The following GOLPH3 variants were observed in gnomAD, a reference collection of about 807,000 sequenced individuals.
GOLPH3 encodes the protein golgi phosphoprotein 3.
In GOLPH3, 14 loss-of-function variants were observed where a neutral mutation model predicts 28.5. The observed-to-expected ratio is 0.49, with a 90% CI of 0.32 to 0.77. GOLPH3 has a LOEUF of 0.77. Among genes scored for constraint, GOLPH3 ranks in the 30% least tolerant of loss-of-function variants. The pLI, the probability that GOLPH3 is intolerant of heterozygous loss-of-function variation, is 0.03. For missense variants in GOLPH3, 350 were observed against 393.7 expected, an observed-to-expected ratio of 0.89 and a Z score of 0.94; for synonymous variants, 158 against 159.2, an observed-to-expected ratio of 0.99 and a Z score of 0.06.
At chr5:32,142,286 C>T (rs922909181) in intron 2 of GOLPH3, among the ~76,000 whole-genome samples, 2 of 151,012 alleles carry the variant, frequency 1.3e-5, no homozygotes, top group African/African-American at 2.4e-5. Flanking sequence ...AGCATCTCTG[C>T]CCGGACGCCC....
At chr5:32,157,271 C>T (rs1197287938) in intron 1 of GOLPH3, among the ~76,000 whole-genome samples, 1 of 152,154 alleles carries the variant, frequency 6.6e-6, no homozygotes, top group Admixed American at 6.5e-5. Flanking sequence ...GGATTCCAAT[C>T]CTCAGCCTTC....
At chr5:32,162,151 T>C (rs1746597103) in intron 1 of GOLPH3, among the ~76,000 whole-genome samples, 2 of 151,340 alleles carry the variant, frequency 1.3e-5, no homozygotes, top group South Asian at 4.2e-4. Flanking sequence ...GACCAGAGGT[T>C]CAGAACAAAG....
At chr5:32,171,236 G>A (rs1291284088) in intron 1 of GOLPH3, among the ~76,000 whole-genome samples, 2 of 151,800 alleles carry the variant, frequency 1.3e-5, no homozygotes, top group South Asian at 2.1e-4. Flanking sequence ...ACTGTCTTGG[G>A]CCATATATAA....
chr5:32,155,885 A>G (rs1269654880), intron 1 of GOLPH3, among the ~76,000 whole-genome samples: 1 of 139,598 alleles, frequency 7.2e-6, no homozygotes, highest in Non-Finnish European at 1.5e-5. Context: ...TGAACCCAGG[A>G]GGCGGAGGTT....
intron 3 of GOLPH3, among the ~76,000 whole-genome samples, chr5:32,127,452 T>G (rs1399734728): frequency 1.3e-5 from 2 of 152,250 alleles, no homozygotes; most frequent in Non-Finnish European, 2.9e-5. Context: ...ATGCAAACGT[T>G]GTAAGGTCGA....
intron 2 of GOLPH3, among the ~76,000 whole-genome samples, chr5:32,139,149 G>A (rs577802104): frequency 1.4e-4 from 21 of 152,066 alleles, no homozygotes; most frequent in Admixed American, 4.6e-4. Flanking sequence ...CAATATAGTC[G>A]GCCTTCCATA....
intron 3 of GOLPH3, among the ~76,000 whole-genome samples, chr5:32,130,196 G>A (rs1001748824): frequency 2.0e-5 from 3 of 152,104 alleles, no homozygotes; most frequent in African/African-American, 7.2e-5. Flanking sequence ...AATAACTGCT[G>A]CATCTTTCAC....
chr5:32,146,898 T>C (rs749821641), intron 1 of GOLPH3, among the ~76,000 whole-genome samples: 16 of 151,718 alleles, frequency 1.1e-4, no homozygotes, highest in Non-Finnish European at 5.9e-5. Flanking sequence ...TAATGACAGC[T>C]GATGAGCTAA....
chr5:32,157,756 C>T (rs2111880092), intron 1 of GOLPH3, among the ~76,000 whole-genome samples: 1 of 152,218 alleles, frequency 6.6e-6, no homozygotes, highest in Middle Eastern at 3.4e-3. Context: ...GCGGGTGGAT[C>T]ACTTAAGGTC....
At chr5:32,172,784 C>G (rs184996060) in intron 1 of GOLPH3, among the ~76,000 whole-genome samples, 3 of 152,314 alleles carry the variant, frequency 2.0e-5, no homozygotes, top group African/African-American at 7.2e-5. Flanking sequence ...TCGCTTGAAC[C>G]CGGGAGGCGG....
chr5:32,162,955 G>T (rs1405623457), intron 1 of GOLPH3, among the ~76,000 whole-genome samples: 1 of 152,290 alleles, frequency 6.6e-6, no homozygotes, highest in African/African-American at 2.4e-5. Context: ...GCAGGCGCCT[G>T]TAGTCCCAGC....
chr5:32,142,862 T>A (rs550328719), intron 2 of GOLPH3, among the ~76,000 whole-genome samples: 46 of 148,022 alleles, frequency 3.1e-4, no homozygotes, highest in African/African-American at 1.1e-3. Flanking sequence ...AGCCGCCCCG[T>A]CCGGGAGGTG....
chr5:32,133,914 T>C (rs1460138294), intron 3 of GOLPH3, among the ~76,000 whole-genome samples: 1 of 152,002 alleles, frequency 6.6e-6, no homozygotes, highest in African/African-American at 2.4e-5. Flanking sequence ...AAAAGGAAAA[T>C]TATCAGAGGT....
chr5:32,160,842 C>T (rs1025901119), intron 1 of GOLPH3, among the ~76,000 whole-genome samples: 3 of 151,444 alleles, frequency 2.0e-5, no homozygotes, highest in African/African-American at 4.9e-5. Flanking sequence ...CCAAGGCGGG[C>T]GGACCACGAG....
At chr5:32,126,728 GC>G in intron 3 of GOLPH3, 92 bp from the exon 4 acceptor site, 1 of 994,122 alleles carries the variant, frequency 1.0e-6, no homozygotes, top group Non-Finnish European at 1.5e-6. Context: ...ATCTGATTTT[GC>G]CCCAAGAAAA....
chr5:32,152,127 C>CT (rs201281003), intron 1 of GOLPH3, among the ~76,000 whole-genome samples: 97 of 147,192 alleles, frequency 6.6e-4, no homozygotes, highest in African/African-American at 1.5e-3. Flanking sequence ...CATATTTTAC[C>CT]TTTTTTTTTT....
chr5:32,145,218 G>GA (rs1284423905), intron 1 of GOLPH3, among the ~76,000 whole-genome samples: 1 of 152,152 alleles, frequency 6.6e-6, no homozygotes, highest in Non-Finnish European at 1.5e-5. Context: ...TGACCTTTGG[G>GA]AAAATAACAA....
chr5:32,156,516 AT>A (rs1379606955), intron 1 of GOLPH3, among the ~76,000 whole-genome samples: 1 of 151,572 alleles, frequency 6.6e-6, no homozygotes, highest in Non-Finnish European at 1.5e-5. Flanking sequence ...AAAAAAAAAA[AT>A]CTGTTGTTTA....
rs1284447936 is a variant in GOLPH3 at position 32,158,031 on chromosome 5, C to T, written c.226-14151G>A. On this transcript the variant is annotated intron_variant, in intron 1 of 3. Transcript: ENST00000265070. ...TAAATAAATAAATAAAATACACACACACACACACACACACACACACACACA... is the reference window on the plus strand; with the variant it reads ...TAAATAAATAAATAAAATACACACATACACACACACACACACACACACACA... Among the ~76,000 whole-genome samples, 19 of 122,498 alleles carry T rather than the reference C, an allele frequency of 1.6e-4. 2 individuals are homozygous for T. Among genetic ancestry groups the T allele is most frequent in the African/African-American group, 4.8e-4 (13 of 27,184 alleles). The allele number at this position is 122,498 out of a possible 152,430, so 80.4% of individuals were successfully genotyped here.
Sources: allele counts gnomAD v4.1 joint callset (sites outside exome capture counted in the v4.1 genomes callset), GRCh38; gene constraint gnomAD v4.1.1; transcripts MANE v1.5; gene names NCBI Gene and HGNC (gene_info 2026-07-23, HGNC 2026-07-21).